Variants in FGGY observed in about 807,000 individuals in gnomAD.
The protein encoded by FGGY is FGGY carbohydrate kinase domain-containing protein.
A neutral mutation model predicts 71.3 loss-of-function variants in FGGY; 72 were observed. The ratio of observed to expected loss-of-function variants is 1.01; its 90% CI spans 0.84 to 1.23. The LOEUF is 1.23. Ranked by LOEUF, FGGY falls within the 50% of genes most tolerant of loss-of-function variation. FGGY has a pLI of 0.00. For synonymous variants in FGGY, 251 were observed against 250.3 expected (o/e 1.00, Z -0.02); for missense variants, 668 against 682.3 (o/e 0.98, Z 0.23).
chr1:59,721,162 GT>G (rs1284799595), intron 14 of FGGY, among the ~76,000 whole-genome samples: 2 of 152,028 alleles, frequency 1.3e-5, no homozygotes, highest in African/African-American at 2.4e-5. Context: ...CCTACTTGAT[GT>G]TTTTTTCTCC....
At chr1:59,381,629 G>A (rs928683874) in intron 5 of FGGY, among the ~76,000 whole-genome samples, 1 of 22,492 alleles carries the variant, frequency 4.4e-5, no homozygotes. Context: ...TGTATAACTC[G>A]TGTGTGTGTG....
chr1:59,663,902 A>G (rs2153965845), intron 12 of FGGY, among the ~76,000 whole-genome samples: 1 of 152,356 alleles, frequency 6.6e-6, no homozygotes, highest in Middle Eastern at 3.4e-3. Context: ...GGTCAACTGA[A>G]AGTTAAGCAA....
At chr1:59,416,064 G>A (rs148474539) in intron 5 of FGGY, among the ~76,000 whole-genome samples, 4 of 152,290 alleles carry the variant, frequency 2.6e-5, no homozygotes, top group Non-Finnish European at 5.9e-5. Flanking sequence ...AACTATGACA[G>A]GTCTTATTTA....
chr1:59,457,101 G>A, intron 6 of FGGY, 25 bp downstream of exon 6: 1 of 1,500,040 alleles, frequency 6.7e-7, no homozygotes, highest in Non-Finnish European at 9.3e-7. Flanking sequence ...CATCTGTAGA[G>A]TGATTATGTG....
At chr1:59,441,230 A>G (rs1425016796) in intron 5 of FGGY, among the ~76,000 whole-genome samples, 1 of 152,148 alleles carries the variant, frequency 6.6e-6, no homozygotes, top group Non-Finnish European at 1.5e-5. Context: ...GTGCTTGCAG[A>G]AATGTGTTTG....
intron 14 of FGGY, 110 bp from the exon 15 acceptor site, chr1:59,757,821 C>A: frequency 8.9e-6 from 6 of 671,988 alleles, no homozygotes; most frequent in Middle Eastern, 3.1e-4. Context: ...GAGGACTAAC[C>A]AAATATCTTA....
At chr1:59,417,605 A>G (rs1221344721) in intron 5 of FGGY, among the ~76,000 whole-genome samples, 1 of 152,124 alleles carries the variant, frequency 6.6e-6, no homozygotes, top group African/African-American at 2.4e-5. Context: ...CCTTGTGAGC[A>G]CTTGTTATTT....
chr1:59,667,915 G>A (rs1232236572), intron 13 of FGGY, among the ~76,000 whole-genome samples: 1 of 152,216 alleles, frequency 6.6e-6, no homozygotes, highest in East Asian at 1.9e-4. Context: ...CCTAATGGCA[G>A]CTCAGGGCGT....
intron 14 of FGGY, among the ~76,000 whole-genome samples, chr1:59,687,806 AC>A (rs1558801541): frequency 6.6e-6 from 1 of 151,962 alleles, no homozygotes; most frequent in Non-Finnish European, 1.5e-5. Context: ...CTGTTCAAAG[AC>A]CTAGAGTAGG....
intron 8 of FGGY, among the ~76,000 whole-genome samples, chr1:59,591,504 A>C (rs2096436520): frequency 6.7e-6 from 1 of 148,726 alleles, no homozygotes; most frequent in Non-Finnish European, 1.5e-5. Context: ...CCAAAAGAAC[A>C]AACTGGAGGC....
intron 5 of FGGY, among the ~76,000 whole-genome samples, chr1:59,431,625 C>T (rs1024923507): frequency 1.3e-5 from 2 of 152,204 alleles, no homozygotes; most frequent in African/African-American, 4.8e-5. Context: ...CATGATGCCC[C>T]TTTCTGCATG....
chr1:59,627,473 TATATATATATATATATACAC>T (rs1198415846), intron 10 of FGGY, among the ~76,000 whole-genome samples: 1 of 130,424 alleles, frequency 7.7e-6, no homozygotes, highest in African/African-American at 3.4e-5. Flanking sequence ...TATATATATA[TATATATATATATATATACAC>T]ACACACACAC....
intron 9 of FGGY, among the ~76,000 whole-genome samples, chr1:59,618,097 T>G (rs1572173828): frequency 6.6e-6 from 1 of 152,120 alleles, no homozygotes; most frequent in Non-Finnish European, 1.5e-5. Context: ...GTGATTCCAC[T>G]GGGCCAGCCA....
chr1:59,410,201 T>A (rs2063398671), intron 5 of FGGY, among the ~76,000 whole-genome samples: 1 of 152,244 alleles, frequency 6.6e-6, no homozygotes, highest in Non-Finnish European at 1.5e-5. Flanking sequence ...AGAGGTAGGC[T>A]TGCTTTCTTA....
chr1:59,589,936 T>C (rs1394455784), intron 8 of FGGY, among the ~76,000 whole-genome samples: 1 of 151,560 alleles, frequency 6.6e-6, no homozygotes, highest in Non-Finnish European at 1.5e-5. Flanking sequence ...ATAACTAAAA[T>C]CACAGCAGAA....
chr1:59,627,433 T>A (rs2153840122), intron 10 of FGGY, among the ~76,000 whole-genome samples: 1 of 142,452 alleles, frequency 7.0e-6, no homozygotes, highest in East Asian at 2.0e-4. Flanking sequence ...AACCTCATGG[T>A]GTCAATATCA....
At chr1:59,362,456 C>T (rs2055750108) in intron 4 of FGGY, among the ~76,000 whole-genome samples, 1 of 152,196 alleles carries the variant, frequency 6.6e-6, no homozygotes, top group South Asian at 2.1e-4. Context: ...TTTTCTGACT[C>T]AAGTATCTAA....
intron 8 of FGGY, among the ~76,000 whole-genome samples, chr1:59,555,859 G>A (rs1214653146): frequency 6.6e-6 from 1 of 152,082 alleles, no homozygotes; most frequent in Non-Finnish European, 1.5e-5. Flanking sequence ...AAATTAGCCG[G>A]GCGTGGTGGC....
At chr1:59,419,906 A>ATGGTAAATGCTGCTAAGCTGTTGAT (rs2065120468) in intron 5 of FGGY, among the ~76,000 whole-genome samples, 1 of 152,148 alleles carries the variant, frequency 6.6e-6, no homozygotes, top group Non-Finnish European at 1.5e-5. Flanking sequence ...AAACAACTCT[A>ATGGTAAATGCTGCTAAGCTGTTGAT]TGGTAAATGC....
Sources: gnomAD v4.1 joint callset for allele counts (sites outside exome capture counted in the v4.1 genomes callset) on GRCh38, gnomAD v4.1.1 for gene constraint, MANE v1.5 for transcripts, NCBI Gene and HGNC (gene_info 2026-07-23, HGNC 2026-07-21) for gene names.